The following LRRC57 variants were observed in gnomAD, a reference collection of about 807,000 sequenced individuals.
LRRC57 encodes the protein leucine rich repeat containing 57.
A neutral mutation model predicts 23.1 loss-of-function variants in LRRC57; 14 were observed. The ratio of observed to expected loss-of-function variants is 0.61; its 90% CI spans 0.40 to 0.95. LRRC57 has a LOEUF of 0.95. Ranked by LOEUF, LRRC57 falls within the 40% of genes least tolerant of loss-of-function variation. LRRC57 has a pLI of 0.00. For synonymous variants in LRRC57, 106 were observed against 115.2 expected, an observed-to-expected ratio of 0.92 and a Z score of 0.51; for missense variants, 236 against 284.4, an observed-to-expected ratio of 0.83 and a Z score of 1.22.
rs1323884488 is a variant in LRRC57 at position 42,543,097 on chromosome 15, C to T, written c.*986G>A. 1 of 152,060 alleles carries T rather than the reference C, an allele frequency of 6.6e-6. No homozygotes were observed. Among genetic ancestry groups the T allele is most frequent in the Admixed American group, 6.6e-5 (1 of 15,250 alleles). 9.4% of individuals were successfully genotyped at this position (152,060 alleles called of 1,614,324 possible). A position where few individuals can be genotyped will look rare whatever the true frequency, so the allele number is the denominator to read the frequency against. ...TGTTGGCCAGGCTGGTCTCGAACTC[C>T]TAACCTCGTGATCTGCCTGCCTTGG... is the stretch of plus-strand genomic sequence containing the variant. On this transcript the variant is annotated 3_prime_UTR_variant, in exon 6 of 6. Transcript: ENST00000397130.
At chr15:42,534,514 ACCT>A, downstream of LRRC57, among the ~76,000 whole-genome samples, 1 of 151,910 alleles carries the variant, frequency 6.6e-6, no homozygotes, top group Non-Finnish European at 1.5e-5. Flanking sequence ...TGGTATCTTG[ACCT>A]CCTTTCATGA....
At chr15:42,530,934 G>A in the LRRC57 span, among the ~76,000 whole-genome samples, 1 of 152,182 alleles carries the variant, frequency 6.6e-6, no homozygotes, top group Non-Finnish European at 1.5e-5. Flanking sequence ...TAATTCAGAT[G>A]TTGGTGAGGA....
Position 42,547,414 on chromosome 15 carries a change from C to G in LRRC57, c.339G>C (p.Leu113=). The G allele has an allele frequency of 6.2e-7, 1 of 1,614,130 alleles. No homozygotes were observed. Residue 113 remains leucine, a synonymous_variant, in exon 4 of 6, where the codon CTG becomes CTC. Coordinates refer to ENST00000397130, the MANE Select transcript of LRRC57 (RefSeq NM_153260.3). ...CTCCCAGTTGGTTCCCAGAGAGGCT[C>G]AGGGTCTTGAGGGCAGAGAGTTGCC... ...TFGQLSALKT[L]SLSGNQLGAL... is the part of the protein sequence containing the mutation.
chr15:42,539,964 G>A lies in LRRC57; in HGVS notation c.*4119C>T, dbSNP rs935307245. The A allele has an allele frequency of 1.3e-5, 2 of 152,196 alleles. No individual in the cohort carries two copies. The highest frequency in any genetic ancestry group is 1.3e-4 in the Admixed American group (2 of 15,274). The allele number at this position is 152,196 out of a possible 1,614,324, so 9.4% of individuals were successfully genotyped here. On this transcript the variant is annotated 3_prime_UTR_variant, in exon 6 of 6. Transcript: ENST00000397130. ...AATTCCCAGCATTTTGGGAGGCCAA[G>A]GCAGGTGGATCAACTGAGGTCAGGA...
the LRRC57 span, chr15:42,529,648 A>G: frequency 2.5e-6 from 4 of 1,601,702 alleles, no homozygotes; most frequent in Admixed American, 1.8e-5. Context: ...AACAAAACCT[A>G]TGGAATTAAC....
At chr15:42,544,525 TA>T (rs2057646647) in intron 5 of LRRC57, among the ~76,000 whole-genome samples, 1 of 148,770 alleles carries the variant, frequency 6.7e-6, no homozygotes, top group Admixed American at 6.8e-5. Context: ...AAAAAATAAA[TA>T]AATAAAGCAC....
In LRRC57 at chr15:42,544,842, C is replaced by CAATATATATATATATATATATATATA; in HGVS notation, c.678+234_678+235insTATATATATATATATATATATATATT. Among the ~76,000 whole-genome samples, 179 of 97,964 alleles carry CAATATATATATATATATATATATATA rather than the reference C, an allele frequency of 1.8e-3. 5 individuals carry two copies. The highest frequency in any genetic ancestry group is 2.0e-3 in the Non-Finnish European group (102 of 51,918). The allele number at this position is 97,964 out of a possible 152,430, so 64.3% of individuals were successfully genotyped here. On this transcript the variant is annotated intron_variant, in intron 5 of 5. Coordinates refer to ENST00000397130, the MANE Select transcript of LRRC57 (RefSeq NM_153260.3). ...ACACACACACACACACACACACACA[C>CAATATATATATATATATATATATATA]TATATATATATATATATCAAAAGAC... is the stretch of plus-strand genomic sequence containing the variant.
At chr15:42,529,651 G>C in the LRRC57 span, 1 of 1,606,260 alleles carries the variant, frequency 6.2e-7, no homozygotes. Context: ...AAAACCTATG[G>C]AATTAACTGT....
Position 42,547,110 on chromosome 15 carries a change from TG to T in LRRC57, c.492+150del, listed in dbSNP as rs1339025956. ...ACTAATTCCATGGCACTTTGGGCCT[TG>T]AAATTAGTTCAGCCTATAGAAGAAA... On this transcript the variant is annotated intron_variant, in intron 4 of 5. Coordinates refer to ENST00000397130, the MANE Select transcript of LRRC57 (RefSeq NM_153260.3). 9.7e-6 allele frequency: 8 copies of T among 824,330 alleles called. No homozygotes were observed. In the African/African-American group the frequency reaches 1.4e-4, roughly 14 times the overall value. 51.1% of individuals were successfully genotyped at this position (824,330 alleles called of 1,614,324 possible). A position where few individuals can be genotyped will look rare whatever the true frequency, so the allele number is the denominator to read the frequency against.
At chr15:42,537,233 T>TCACACA (rs71108166), downstream of LRRC57, among the ~76,000 whole-genome samples, 166 of 136,586 alleles carry the variant, frequency 1.2e-3, no homozygotes, top group Middle Eastern at 3.7e-3. Context: ...TCTCTCTCTC[T>TCACACA]CACACACACA....
At chr15:42,534,330 C>T (rs972115132), downstream of LRRC57, among the ~76,000 whole-genome samples, 2 of 151,994 alleles carry the variant, frequency 1.3e-5, no homozygotes, top group Admixed American at 6.6e-5. Flanking sequence ...AGGGTTTCAC[C>T]ACGTTGGTCA....
At chr15:42,537,057 C>T (rs1406442320), downstream of LRRC57, among the ~76,000 whole-genome samples, 1 of 152,126 alleles carries the variant, frequency 6.6e-6, no homozygotes, top group Non-Finnish European at 1.5e-5. Flanking sequence ...TTAACTTAAA[C>T]ATCTATGGCC....
the LRRC57 span, among the ~76,000 whole-genome samples, chr15:42,529,464 T>C: frequency 1.3e-5 from 2 of 152,196 alleles, no homozygotes; most frequent in African/African-American, 2.4e-5. Context: ...CAGAGTTTCT[T>C]TCTTTTCTTA....
rs151275806 is a variant in LRRC57, at chr15:42,545,359, A to G, written c.493-97T>C. The G allele has an allele frequency of 8.8e-5, 69 of 786,070 alleles. No homozygotes were observed. The African/African-American group carries it at 1.0e-3, about 12-fold the overall frequency. 48.7% of individuals were successfully genotyped at this position (786,070 alleles called of 1,614,324 possible). A position where few individuals can be genotyped will look rare whatever the true frequency, so the allele number is the denominator to read the frequency against. ...ACAAAACAAAAATCTTTACTTGACTATTTGTTCTAGTTTTCCCCTCTTTTA... is the reference window on the plus strand; with the variant it reads ...ACAAAACAAAAATCTTTACTTGACTGTTTGTTCTAGTTTTCCCCTCTTTTA... On this transcript the variant is annotated intron_variant, in intron 4 of 5. Coordinates refer to ENST00000397130, the MANE Select transcript of LRRC57 (RefSeq NM_153260.3).
chr15:42,534,250 C>G (rs2057588551), downstream of LRRC57, among the ~76,000 whole-genome samples: 1 of 152,238 alleles, frequency 6.6e-6, no homozygotes, highest in Admixed American at 6.5e-5. Context: ...CCTGCCTCAG[C>G]CTCCTGAGTA....
intron 1 of LRRC57, 103 bp downstream of exon 1, chr15:42,548,590 G>A (rs1263207772): frequency 2.8e-6 from 2 of 715,834 alleles, no homozygotes; most frequent in Non-Finnish European, 4.6e-6. Flanking sequence ...AGGAAGAAAC[G>A]GAAGAACACA....
the LRRC57 span, chr15:42,532,362 G>A: frequency 6.6e-6 from 1 of 152,142 alleles, no homozygotes; most frequent in Non-Finnish European, 1.5e-5. Context: ...TGGGATTACA[G>A]GCGTGAGCCA....
At position 42,539,729 on chromosome 15, in the gene LRRC57, G is replaced by A. The variant is rs2057618576; in HGVS notation, c.*4354C>T. 1 of 152,118 alleles carries A rather than the reference G, an allele frequency of 6.6e-6. No homozygotes were observed. The highest frequency in any genetic ancestry group is 2.4e-5 in the African/African-American group (1 of 41,410). 9.4% of individuals were successfully genotyped at this position (152,118 alleles called of 1,614,324 possible). ...TAGCTCATATTTAAATCTAAATCTT[G>A]TTTGCTGTAACTTTGGGCATATTAC... On this transcript the variant is annotated 3_prime_UTR_variant, in exon 6 of 6. Coordinates refer to ENST00000397130, the MANE Select transcript of LRRC57 (RefSeq NM_153260.3).
At chr15:42,528,489 C>T in the LRRC57 span, 3 of 1,401,576 alleles carry the variant, frequency 2.1e-6, no homozygotes, top group East Asian at 6.9e-5. Flanking sequence ...ATGAGTTTAG[C>T]AGTACATGAC....
Sources: allele counts gnomAD v4.1 joint callset (sites outside exome capture counted in the v4.1 genomes callset), GRCh38; gene constraint gnomAD v4.1.1; transcripts MANE v1.5; gene names NCBI Gene and HGNC (gene_info 2026-07-23, HGNC 2026-07-21).